The following ALPK1 variants were observed in gnomAD, a reference collection of about 807,000 sequenced individuals.
The protein encoded by ALPK1 is alpha-protein kinase 1.
ALPK1 carries 110 observed loss-of-function variants against 120.6 expected under a neutral mutation model. The observed-to-expected ratio is 0.91, with a 90% CI of 0.78 to 1.07. ALPK1 has a LOEUF of 1.07. Ranked by LOEUF, ALPK1 falls within the 50% of genes least tolerant of loss-of-function variation. The pLI is 0.00. For synonymous variants in ALPK1, 582 were observed against 560.3 expected, an observed-to-expected ratio of 1.04 and a Z score of -0.55; for missense variants, 1,498 against 1,483.9, an observed-to-expected ratio of 1.01 and a Z score of -0.16.
chr4:112,439,935 T>A, intron 14 of ALPK1, 63 bp downstream of exon 14: 1 of 1,360,656 alleles, frequency 7.3e-7, no homozygotes, highest in Non-Finnish European at 9.9e-7. Context: ...GTTTTGTAAC[T>A]AGCTTCCCTA....
chr4:112,338,301 T>A (rs1330263972), intron 2 of ALPK1, among the ~76,000 whole-genome samples: 1 of 152,198 alleles, frequency 6.6e-6, no homozygotes, highest in Non-Finnish European at 1.5e-5. Context: ...ATTCTCAATG[T>A]TTTTTCCCCT....
rs769111636 is a variant in ALPK1, at chr4:112,441,039, C to T, written c.3661C>T (p.Gln1221Ter). 23 of 1,613,782 alleles carry T rather than the reference C, an allele frequency of 1.4e-5. No individual in the cohort carries two copies. Among genetic ancestry groups the T allele is most frequent in the Non-Finnish European group, 1.9e-5 (22 of 1,179,888 alleles). Residue 1221 changes from glutamine to a stop codon, truncating the protein, a stop_gained, in exon 15 of 16, where the codon CAG (glutamine) becomes TAG (stop). Coordinates refer to ENST00000650871, the MANE Select transcript of ALPK1 (RefSeq NM_025144.4). LOFTEE classifies it high-confidence loss of function. ...KRGIFYFFNN[Q>*]HVECNEICHR... ...AGGAATTTTTTACTTCTTTAATAAC[C>T]AGCATGTGGAATGTAATGAAATCTG...
At chr4:112,382,310 TGC>T in intron 3 of ALPK1, 86 bp from the exon 4 acceptor site, 45 of 762,280 alleles carry the variant, frequency 5.9e-5, no homozygotes, top group South Asian at 3.6e-4. Context: ...TTTTTTTTTT[TGC>T]CACTGAGGTG....
At chr4:112,383,172 G>T (rs2106992) in intron 4 of ALPK1, 10 of 152,152 alleles carry the variant, frequency 6.6e-5, no homozygotes, top group African/African-American at 2.2e-4. Context: ...TTGCAGCTCA[G>T]GATTCAGGCT....
At chr4:112,357,554 G>A (rs1173591294) in intron 2 of ALPK1, 2 of 1,224,600 alleles carry the variant, frequency 1.6e-6, no homozygotes, top group East Asian at 2.4e-5. Context: ...ATCCTCACCA[G>A]TGGCACACTG....
intron 2 of ALPK1, chr4:112,358,828 C>T (rs2148715495): frequency 1.2e-6 from 1 of 814,260 alleles, no homozygotes. Flanking sequence ...AACTTTGCCA[C>T]CTTCACCCAG....
intron 2 of ALPK1, chr4:112,359,692 G>A (rs909781692): frequency 1.7e-4 from 42 of 240,542 alleles, no homozygotes; most frequent in African/African-American, 7.2e-4. Flanking sequence ...GCTGCAGGGC[G>A]AAGCCAGTCC....
rs145634473 is a variant in ALPK1, at chr4:112,431,799, C to A, written c.2252C>A (p.Pro751Gln). Residue 751 changes from proline to glutamine, a missense_variant, in exon 11 of 16, where the codon CCA becomes CAA. Transcript: ENST00000650871. ...GCCTTTGAAATAATTGTTGAGTTTC[C>A]AGAAACCAACTGCGATGTCAAAGAC... Reference protein sequence around the residue: ...EEAFEIIVEFPETNCDVKDRQ... With the variant: ...EEAFEIIVEFQETNCDVKDRQ... 3 of 1,614,038 alleles carry A rather than the reference C, an allele frequency of 1.9e-6. No homozygotes were observed. In the Admixed American group the frequency reaches 5.0e-5, roughly 27 times the overall value.
At position 112,396,430 on chromosome 4, in the gene ALPK1, C is replaced by G. The variant is rs180686475; in HGVS notation, c.276+13878C>G. 1.9e-3 allele frequency among the ~76,000 whole-genome samples: 294 copies of G among 152,232 alleles called. 3 individuals are homozygous for G. The highest frequency in any genetic ancestry group is 6.7e-3 in the African/African-American group (277 of 41,546). On this transcript the variant is annotated intron_variant, in intron 4 of 15. Transcript: ENST00000650871. ...ATAAACCGCAATACAGCTCGTATAGCAAAAACAGTCCAAAAAGAGAGTTCT... is the reference window on the plus strand; with the variant it reads ...ATAAACCGCAATACAGCTCGTATAGGAAAAACAGTCCAAAAAGAGAGTTCT...
At chr4:112,399,397 C>A (rs7663969) in intron 4 of ALPK1, among the ~76,000 whole-genome samples, 23,050 of 152,068 alleles carry the variant, frequency 0.15, 2,473 homozygotes, top group African/African-American at 0.31. Context: ...GATTTGTTAG[C>A]AACCTTGAAA....
At chr4:112,342,663 G>A (rs747578269) in intron 2 of ALPK1, among the ~76,000 whole-genome samples, 9 of 152,126 alleles carry the variant, frequency 5.9e-5, no homozygotes, top group Non-Finnish European at 1.2e-4. Context: ...TAGAGGTCTA[G>A]GACTCTATCC....
At chr4:112,339,099 G>A (rs1339061013) in intron 2 of ALPK1, among the ~76,000 whole-genome samples, 1 of 152,228 alleles carries the variant, frequency 6.6e-6, no homozygotes, top group East Asian at 1.9e-4. Context: ...AGACACAGGT[G>A]TGTCCAGAAC....
At chr4:112,311,981 GTTT>G (rs72030167) in intron 1 of ALPK1, among the ~76,000 whole-genome samples, 12,868 of 151,906 alleles carry the variant, frequency 0.085, 828 homozygotes, top group Admixed American at 0.21. Flanking sequence ...GGGTCACAGT[GTTT>G]TTTTTCTAAA....
At chr4:112,363,756 A>C (rs995946100) in intron 2 of ALPK1, among the ~76,000 whole-genome samples, 1 of 152,216 alleles carries the variant, frequency 6.6e-6, no homozygotes, top group Non-Finnish European at 1.5e-5. Flanking sequence ...CACAGAATAT[A>C]CATTCTATTC....
intron 2 of ALPK1, among the ~76,000 whole-genome samples, chr4:112,374,608 T>C (rs1437303294): frequency 6.6e-6 from 1 of 152,360 alleles, no homozygotes; most frequent in East Asian, 1.9e-4. Context: ...CTATAAAAGA[T>C]ATAAGCTGTG....
At chr4:112,344,782 C>T (rs1399215366) in intron 2 of ALPK1, among the ~76,000 whole-genome samples, 1 of 152,146 alleles carries the variant, frequency 6.6e-6, no homozygotes, top group East Asian at 1.9e-4. Flanking sequence ...GCCAATATCA[C>T]AAAGTTTTGT....
intron 10 of ALPK1, among the ~76,000 whole-genome samples, chr4:112,430,025 C>A (rs954183584): frequency 6.6e-6 from 1 of 152,024 alleles, no homozygotes; most frequent in African/African-American, 2.4e-5. Flanking sequence ...ATTCGGAAAC[C>A]AATGCCCTAT....
At chr4:112,358,955 G>A (rs1473137662) in intron 2 of ALPK1, 3 of 768,994 alleles carry the variant, frequency 3.9e-6, no homozygotes, top group Non-Finnish European at 7.3e-6. Context: ...ACCAGTTTGT[G>A]CAGCCCCACC....
chr4:112,426,292 C>G (rs1734228022), intron 7 of ALPK1, 175 bp from the exon 8 acceptor site: 1 of 405,440 alleles, frequency 2.5e-6, no homozygotes, highest in South Asian at 8.1e-5. Context: ...GAAAAATTGT[C>G]TATATTACAA....
Sources: allele counts gnomAD v4.1 joint callset (sites outside exome capture counted in the v4.1 genomes callset), GRCh38; gene constraint gnomAD v4.1.1; transcripts MANE v1.5; gene names NCBI Gene and HGNC (gene_info 2026-07-23, HGNC 2026-07-21).